The following DCAKD variants were observed in gnomAD, a reference collection of about 807,000 sequenced individuals.
DCAKD encodes dephospho-CoA kinase domain containing, also known as dephospho-CoA kinase domain-containing protein.
In DCAKD, 15 loss-of-function variants were observed where a neutral mutation model predicts 18.7. The ratio of observed to expected loss-of-function variants is 0.80; its 90% CI spans 0.54 to 1.24. DCAKD has a LOEUF of 1.24. DCAKD is among the 50% of genes most tolerant of loss of function. DCAKD has a pLI of 0.00. For missense variants in DCAKD, 301 were observed against 322.0 expected, an observed-to-expected ratio of 0.93 and a Z score of 0.50; for synonymous variants, 130 against 133.0, an observed-to-expected ratio of 0.98 and a Z score of 0.16.
At chr17:45,050,360 A>T (rs1488225460) in intron 1 of DCAKD, among the ~76,000 whole-genome samples, 3 of 152,114 alleles carry the variant, frequency 2.0e-5, no homozygotes. Context: ...GTAATTTTCA[A>T]AACAAAGCTA....
intron 1 of DCAKD, among the ~76,000 whole-genome samples, chr17:45,043,563 C>T (rs978617987): frequency 2.0e-5 from 3 of 152,176 alleles, no homozygotes; most frequent in Non-Finnish European, 2.9e-5. Context: ...TCATCACACA[C>T]ACCGGAGGCA....
intron 3 of DCAKD, chr17:45,032,066 T>C: frequency 2.0e-6 from 2 of 985,348 alleles, no homozygotes; most frequent in Non-Finnish European, 2.4e-6. Flanking sequence ...ATCCGATGTT[T>C]AATTTCAGAA....
upstream of DCAKD, among the ~76,000 whole-genome samples, chr17:45,054,294 C>A (rs1424929044): frequency 1.3e-5 from 2 of 151,318 alleles, no homozygotes; most frequent in African/African-American, 4.9e-5. Context: ...GTTGCCTAGG[C>A]TGGAGTACAA....
chr17:45,043,781 C>T (rs2053495223), intron 1 of DCAKD, among the ~76,000 whole-genome samples: 1 of 152,062 alleles, frequency 6.6e-6, no homozygotes, highest in Non-Finnish European at 1.5e-5. Flanking sequence ...CTGGGTTTTT[C>T]TCATAACTCC....
intron 1 of DCAKD, among the ~76,000 whole-genome samples, chr17:45,060,306 T>C (rs529941480): frequency 6.6e-6 from 1 of 150,798 alleles, no homozygotes; most frequent in East Asian, 2.0e-4. Flanking sequence ...GGAAGATCCT[T>C]AGAGGCCAGG....
intron 1 of DCAKD, among the ~76,000 whole-genome samples, chr17:45,044,537 C>T (rs2053519156): frequency 1.3e-5 from 2 of 151,980 alleles, no homozygotes; most frequent in Admixed American, 1.3e-4. Context: ...ACTAAAAATA[C>T]AAAAATTAGC....
chr17:45,054,254 A>T (rs7226225), upstream of DCAKD: 138,045 of 379,414 alleles, frequency 0.36, 19,293 homozygotes, highest in South Asian at 0.39. Context: ...AGTTTTATTT[A>T]TTTTTTTTTT....
intron 2 of DCAKD, 53 bp from the exon 3 acceptor site, chr17:45,034,443 G>A (rs1597953669): frequency 1.9e-6 from 3 of 1,596,640 alleles, no homozygotes; most frequent in East Asian, 4.5e-5. Flanking sequence ...GGGCCAGTCA[G>A]AGGACCTCAG....
At chr17:45,059,782 C>G (rs910547532) in intron 1 of DCAKD, among the ~76,000 whole-genome samples, 1 of 152,108 alleles carries the variant, frequency 6.6e-6, no homozygotes, top group African/African-American at 2.4e-5. Flanking sequence ...ATTTACCAAC[C>G]TCTCAGGGCC....
intron 1 of DCAKD, among the ~76,000 whole-genome samples, chr17:45,060,676 C>G (rs2053840254): frequency 6.6e-6 from 1 of 152,226 alleles, no homozygotes; most frequent in African/African-American, 2.4e-5. Context: ...GCAGTGTGGT[C>G]TCCTGGCTTA....
intron 1 of DCAKD, among the ~76,000 whole-genome samples, chr17:45,036,661 A>G (rs932895013): frequency 4.1e-5 from 6 of 147,698 alleles, no homozygotes; most frequent in Non-Finnish European, 7.5e-5. Context: ...CATAGAAAGG[A>G]AAAAAAAAAA....
chr17:45,028,560 C>A (rs2143182793), intron 4 of DCAKD, among the ~76,000 whole-genome samples: 1 of 151,790 alleles, frequency 6.6e-6, no homozygotes, highest in African/African-American at 2.4e-5. Flanking sequence ...CAGGCATGCA[C>A]CACCATGCCT....
At chr17:45,055,438 C>T (rs370556181), upstream of DCAKD, among the ~76,000 whole-genome samples, 6 of 152,140 alleles carry the variant, frequency 3.9e-5, no homozygotes, top group South Asian at 1.2e-3. Flanking sequence ...TGCAGTGGCA[C>T]GATCTTGGCT....
chr17:45,024,509 A>C lies in DCAKD; in HGVS notation c.620T>G (p.Phe207Cys). 6.2e-7 allele frequency: 1 copy of C among 1,614,116 alleles called. No homozygotes were observed. Among genetic ancestry groups the C allele is most frequent in the Non-Finnish European group, 8.5e-7 (1 of 1,179,978 alleles). Reference protein sequence around the residue: ...ERSLEYLPLRFGVLTGLAAIA... With the variant: ...ERSLEYLPLRCGVLTGLAAIA... ...GGCAGCGAGCCCTGTGAGGACCCCA[A>C]ACCTCAGCGGCAGGTACTCCAGGGA... The change falls in exon 5 of 5, where the codon TTT becomes TGT. Residue 207 changes from phenylalanine to cysteine, a missense_variant. By Grantham distance (205) the Phe-to-Cys change is radical. Transcript: ENST00000651974.
At chr17:45,035,943 T>C (rs563454929) in intron 1 of DCAKD, among the ~76,000 whole-genome samples, 103 of 152,224 alleles carry the variant, frequency 6.8e-4, no homozygotes, top group Admixed American at 3.1e-3. Flanking sequence ...CCGCAAGCAG[T>C]GGCTCGGCAG....
chr17:45,025,333 G>A (rs1481727571), intron 4 of DCAKD, among the ~76,000 whole-genome samples: 1 of 152,162 alleles, frequency 6.6e-6, no homozygotes, highest in Non-Finnish European at 1.5e-5. Context: ...TGCCACTGAT[G>A]ATGTGGGACA....
chr17:45,054,333 C>T (rs1294358052), upstream of DCAKD, among the ~76,000 whole-genome samples: 6 of 151,940 alleles, frequency 3.9e-5, no homozygotes, highest in Admixed American at 2.6e-4. Flanking sequence ...CTGCAACCTC[C>T]GCCTCCCGGG....
chr17:45,038,819 G>A (rs567066653), intron 1 of DCAKD, among the ~76,000 whole-genome samples: 5 of 152,032 alleles, frequency 3.3e-5, no homozygotes, highest in South Asian at 2.1e-4. Flanking sequence ...GGGAGGCTCC[G>A]GGTCCCCAAC....
In DCAKD at chr17:45,023,461, C is replaced by T. The variant is rs569147834; in HGVS notation, c.*972G>A. 1.2e-3 allele frequency: 184 copies of T among 152,196 alleles called. No homozygotes were observed. The highest frequency in any genetic ancestry group is 4.1e-3 in the African/African-American group (169 of 41,500). 9.4% of individuals were successfully genotyped at this position (152,196 alleles called of 1,614,324 possible). On this transcript the variant is annotated 3_prime_UTR_variant, in exon 5 of 5. Coordinates refer to ENST00000651974, the MANE Select transcript of DCAKD (RefSeq NM_001288655.2). ...TCCCTGTCCCTAGAGGGCTTACAGTCTAGTAGGAAAAACCAGGCAAGTTTC... is the reference window on the plus strand; with the variant it reads ...TCCCTGTCCCTAGAGGGCTTACAGTTTAGTAGGAAAAACCAGGCAAGTTTC...
Sources: allele counts gnomAD v4.1 joint callset (sites outside exome capture counted in the v4.1 genomes callset), GRCh38; gene constraint gnomAD v4.1.1; transcripts MANE v1.5; gene names NCBI Gene and HGNC (gene_info 2026-07-23, HGNC 2026-07-21).